Variants in GNB5 observed in about 807,000 individuals in gnomAD.
The protein encoded by GNB5 is G protein subunit beta 5, also known as guanine nucleotide-binding protein subunit beta-5.
In GNB5, 37 loss-of-function variants were observed where a neutral mutation model predicts 55.3. The ratio of observed to expected loss-of-function variants is 0.67; its 90% CI spans 0.51 to 0.88. The LOEUF is 0.88. Ranked by LOEUF, GNB5 falls within the 40% of genes least tolerant of loss-of-function variation. GNB5 has a pLI of 0.00. For synonymous variants in GNB5, 219 were observed against 198.5 expected (o/e 1.10, Z -0.87); for missense variants, 476 against 515.3 (o/e 0.92, Z 0.74).
intron 6 of GNB5, among the ~76,000 whole-genome samples, chr15:52,146,453 T>A (rs561728121): frequency 6.6e-6 from 1 of 152,352 alleles, no homozygotes; most frequent in African/African-American, 2.4e-5. Context: ...TTTCACACAG[T>A]GTAATTGAGA....
In GNB5 at chr15:52,132,488, G is replaced by GTTT. The variant is rs75509196; in HGVS notation, c.863+887_863+889dup. The stretch of plus-strand genomic sequence containing the variant: ...CCAGTGATCTTTTTTGTTTGTTTGG[G>GTTT]TTTTTTTTTTTTTTTTTGAGACACG... On this transcript the variant is annotated intron_variant, in intron 9 of 12. Transcript: ENST00000261837. 1.0e-3 allele frequency among the ~76,000 whole-genome samples: 135 copies of GTTT among 134,034 alleles called. 2 individuals carry two copies. Among genetic ancestry groups the GTTT allele is most frequent in the Admixed American group, 7.2e-3 (96 of 13,356 alleles). 87.9% of individuals were successfully genotyped at this position (134,034 alleles called of 152,430 possible). A position where few individuals can be genotyped will look rare whatever the true frequency, so the allele number is the denominator to read the frequency against.
At chr15:52,136,172 A>ACACACACC (rs1168734914) in intron 7 of GNB5, among the ~76,000 whole-genome samples, 1,068 of 99,996 alleles carry the variant, frequency 0.011, 101 homozygotes, top group African/African-American at 0.042. Context: ...ACACACACAC[A>ACACACACC]CCCTACCTGC....
At chr15:52,154,102 C>T in intron 3 of GNB5, 26 bp from the exon 4 acceptor site, 1 of 1,608,374 alleles carries the variant, frequency 6.2e-7, no homozygotes, top group Non-Finnish European at 8.5e-7. Flanking sequence ...CATAGTCAGT[C>T]CCCTTGCTAA....
chr15:52,132,561 C>A (rs1469747330), intron 9 of GNB5, among the ~76,000 whole-genome samples: 1 of 149,988 alleles, frequency 6.7e-6, no homozygotes, highest in East Asian at 1.9e-4. Context: ...CATCTCGGCT[C>A]ACTGTAGCCT....
intron 2 of GNB5, 176 bp from the exon 3 acceptor site, chr15:52,180,055 C>T (rs910835907): frequency 3.9e-6 from 3 of 773,634 alleles, no homozygotes; most frequent in South Asian, 1.1e-4. Flanking sequence ...GACCCCGCAC[C>T]TGGGCGCGCG....
At position 52,124,818 on chromosome 15, in the gene GNB5, G is replaced by A. The variant is rs553759574; in HGVS notation, c.1010-179C>T. On this transcript the variant is annotated intron_variant, in intron 11 of 12. Transcript: ENST00000261837. Reference sequence around the variant, plus strand: ...ACAGTCCCTGTCCCTGTTGGAGGATGTGGGGCTGAAAGGAACAGATCACTG... The same window carrying A: ...ACAGTCCCTGTCCCTGTTGGAGGATATGGGGCTGAAAGGAACAGATCACTG... 194 of 585,396 alleles carry A rather than the reference G, an allele frequency of 3.3e-4. 1 individual carries two copies. In the South Asian group the frequency reaches 3.8e-3, roughly 11 times the overall value. The allele number at this position is 585,396 out of a possible 1,614,324, so 36.3% of individuals were successfully genotyped here. A position where few individuals can be genotyped will look rare whatever the true frequency, so the allele number is the denominator to read the frequency against.
chr15:52,168,925 G>C (rs139610940), intron 3 of GNB5, among the ~76,000 whole-genome samples: 1,539 of 152,262 alleles, frequency 0.01, 29 homozygotes, highest in African/African-American at 0.036. Context: ...ATATGCAGAA[G>C]ACTGAAACTG....
rs533715578 is a variant in GNB5 at position 52,116,911 on chromosome 15, T to G, written c.*5846A>C. 1 of 144,668 alleles carries G rather than the reference T, an allele frequency of 6.9e-6. No homozygotes were observed. Among genetic ancestry groups the G allele is most frequent in the Middle Eastern group, 3.4e-3 (1 of 294 alleles). 9.0% of individuals were successfully genotyped at this position (144,668 alleles called of 1,614,324 possible). A position where few individuals can be genotyped will look rare whatever the true frequency, so the allele number is the denominator to read the frequency against. On this transcript the variant is annotated 3_prime_UTR_variant, in exon 13 of 13. Transcript: ENST00000261837. ...CCTCATTTTTTCCTTTAAAAACCTT[T>G]GTTTTTCTTTTTTTTTTTCTTTGTT...
Position 52,136,172 on chromosome 15 carries a change from A to ACACCCAC in GNB5, c.628-417_628-416insGTGGGTG, listed in dbSNP as rs1168734914. Among the ~76,000 whole-genome samples, 4 of 100,118 alleles carry ACACCCAC rather than the reference A, an allele frequency of 4.0e-5. No individual in the cohort carries two copies. The East Asian group carries it at 8.3e-4, about 21-fold the overall frequency. The allele number at this position is 100,118 out of a possible 152,430, so 65.7% of individuals were successfully genotyped here. ...CACACACACACACACACACACACAC[A>ACACCCAC]CCCTACCTGCTGTATCTGGGTTCAT... On this transcript the variant is annotated intron_variant, in intron 7 of 12. Transcript: ENST00000261837.
intron 1 of GNB5, among the ~76,000 whole-genome samples, chr15:52,186,681 G>C (rs1345970170): frequency 1.3e-5 from 2 of 152,174 alleles, no homozygotes; most frequent in East Asian, 1.9e-4. Context: ...TGAACATAAA[G>C]ATAATTGGGG....
At chr15:52,189,128 A>T (rs1225458057) in intron 1 of GNB5, among the ~76,000 whole-genome samples, 1 of 152,238 alleles carries the variant, frequency 6.6e-6, no homozygotes, top group East Asian at 1.9e-4. Context: ...TAACTCAATT[A>T]AAAATGGACA....
At chr15:52,152,283 G>A (rs1304408280) in intron 4 of GNB5, among the ~76,000 whole-genome samples, 5 of 151,216 alleles carry the variant, frequency 3.3e-5, no homozygotes, top group Non-Finnish European at 7.4e-5. Flanking sequence ...GGGGTTGGGA[G>A]AAACCTATGC....
intron 1 of GNB5, among the ~76,000 whole-genome samples, chr15:52,186,821 G>C (rs67163040): frequency 0.19 from 28,483 of 152,056 alleles, 2,922 homozygotes; most frequent in Admixed American, 0.27. Flanking sequence ...GAGAGATAAT[G>C]GGGGCTCATG....
Position 52,121,508 on chromosome 15 carries a change from T to G in GNB5, c.*1249A>C, listed in dbSNP as rs917690538. 4 of 18,318 alleles carry G rather than the reference T, an allele frequency of 2.2e-4. No homozygotes were observed. Among genetic ancestry groups the G allele is most frequent in the Non-Finnish European group, 3.9e-4 (4 of 10,174 alleles). 1.1% of individuals were successfully genotyped at this position (18,318 alleles called of 1,614,324 possible). On this transcript the variant is annotated 3_prime_UTR_variant, in exon 13 of 13. Transcript: ENST00000261837. The stretch of plus-strand genomic sequence containing the variant: ...TCTCAAATAAAGAGAAGATCTTCTT[T>G]TAATATCGTTTTTCTATGTAAGAGG...
At position 52,179,894 on chromosome 15, in the gene GNB5, G is replaced by A; in HGVS notation, c.127-15C>T. 1.3e-6 allele frequency: 2 copies of A among 1,515,994 alleles called. No individual in the cohort carries two copies. The highest frequency in any genetic ancestry group is 1.8e-6 in the Non-Finnish European group (2 of 1,131,426). 93.9% of individuals were successfully genotyped at this position (1,515,994 alleles called of 1,614,324 possible). On this transcript the variant is annotated splice_polypyrimidine_tract_variant and intron_variant, in intron 2 of 12. Transcript: ENST00000261837. ...TCGGTTGCCATCTTCGCGCGGGGAC[G>A]CAGCGGAGAGGGAAGCGGAGAGCGG... is the stretch of plus-strand genomic sequence containing the variant.
At chr15:52,142,098 A>G (rs1404334103) in intron 6 of GNB5, among the ~76,000 whole-genome samples, 1 of 152,224 alleles carries the variant, frequency 6.6e-6, no homozygotes, top group Admixed American at 6.5e-5. Context: ...CAATAAGAGT[A>G]TCAAGGTGCT....
intron 3 of GNB5, among the ~76,000 whole-genome samples, chr15:52,165,811 T>C (rs926427693): frequency 6.6e-6 from 1 of 152,160 alleles, no homozygotes; most frequent in African/African-American, 2.4e-5. Flanking sequence ...CTAGCTAGCA[T>C]CATGATGACA....
chr15:52,154,971 G>T (rs1329413293), intron 3 of GNB5, among the ~76,000 whole-genome samples: 1 of 152,194 alleles, frequency 6.6e-6, no homozygotes, highest in Non-Finnish European at 1.5e-5. Context: ...ATGAGTCTGA[G>T]AGGGACAAGT....
intron 3 of GNB5, among the ~76,000 whole-genome samples, chr15:52,161,202 T>C (rs2034323865): frequency 6.6e-6 from 1 of 152,190 alleles, no homozygotes; most frequent in Non-Finnish European, 1.5e-5. Flanking sequence ...GGAGAATCTG[T>C]GGGCGGGTAG....
Sources: gnomAD v4.1 joint callset for allele counts (sites outside exome capture counted in the v4.1 genomes callset) on GRCh38, gnomAD v4.1.1 for gene constraint, MANE v1.5 for transcripts, NCBI Gene and HGNC (gene_info 2026-07-23, HGNC 2026-07-21) for gene names.